Variants in DLG5 observed in about 807,000 individuals in gnomAD.
DLG5 encodes the protein discs large MAGUK scaffold protein 5, also known as disks large homolog 5.
In DLG5, 48 loss-of-function variants were observed where a neutral mutation model predicts 189.8. The ratio of observed to expected loss-of-function variants is 0.25; its 90% CI spans 0.20 to 0.32. The LOEUF (loss-of-function observed/expected upper bound fraction) is 0.32, where lower values mean the gene tolerates loss of function less well. Among genes scored for constraint, DLG5 ranks in the 10% least tolerant of loss-of-function variants. The probability of loss-of-function intolerance (pLI) is 1.00; values close to 1 mark genes in which losing one functional copy is unlikely to be tolerated. For synonymous variants in DLG5, 1,016 were observed against 1,054.1 expected, an observed-to-expected ratio of 0.96 and a Z score of 0.70; for missense variants, 2,160 against 2,544.7, an observed-to-expected ratio of 0.85 and a Z score of 3.25.
chr10:77,912,020 G>A (rs1291480874), intron 1 of DLG5, among the ~76,000 whole-genome samples: 1 of 151,138 alleles, frequency 6.6e-6, no homozygotes, highest in Non-Finnish European at 1.5e-5. Context: ...GCAACACAGC[G>A]AGACCCCATC....
intron 27 of DLG5, 127 bp downstream of exon 27, chr10:77,805,538 A>G (rs1210673316): frequency 9.0e-6 from 10 of 1,105,758 alleles, no homozygotes; most frequent in Admixed American, 2.7e-5. Context: ...AGCCGAACAC[A>G]CACCTTCAGA....
upstream of DLG5, chr10:77,929,847 C>A (rs1158917024): frequency 6.6e-6 from 1 of 152,200 alleles, no homozygotes; most frequent in Non-Finnish European, 1.5e-5. Flanking sequence ...TTGTTTTAAG[C>A]CACCCAGTTT....
intron 8 of DLG5, among the ~76,000 whole-genome samples, chr10:77,835,451 C>G (rs1484369732): frequency 1.3e-5 from 2 of 152,174 alleles, no homozygotes; most frequent in Non-Finnish European, 2.9e-5. Flanking sequence ...ATCAGAAACC[C>G]TCAAATAAAA....
chr10:77,811,814 G>C, intron 22 of DLG5, 110 bp downstream of exon 22: 1 of 1,408,572 alleles, frequency 7.1e-7, no homozygotes, highest in Non-Finnish European at 9.4e-7. Flanking sequence ...GCAGCAGTAG[G>C]ATCCCCAGAA....
At chr10:77,868,446 C>T (rs1844774488) in intron 2 of DLG5, 3 of 282,666 alleles carry the variant, frequency 1.1e-5, no homozygotes, top group South Asian at 7.0e-5. Flanking sequence ...CATGTGACTC[C>T]CCCTCCCAGA....
chr10:77,817,101 TG>T lies in DLG5; in HGVS notation c.3785-6del. 6.2e-7 allele frequency: 1 copy of T among 1,614,172 alleles called. No individual in the cohort carries two copies. The highest frequency in any genetic ancestry group is 8.5e-7 in the Non-Finnish European group (1 of 1,180,000). On this transcript the variant is annotated splice_polypyrimidine_tract_variant and splice_region_variant and intron_variant, in intron 18 of 31. Coordinates refer to ENST00000372391, the MANE Select transcript of DLG5 (RefSeq NM_004747.4). ...ACTGCAAGTTACTCGAAGAACCTAT[TG>T]TTCCATAAGGGAACAAAACTTCAGG...
At chr10:77,819,787 C>A (rs1398021344) in intron 16 of DLG5, 108 bp downstream of exon 16, 1 of 1,479,834 alleles carries the variant, frequency 6.8e-7, no homozygotes, top group African/African-American at 1.4e-5. Context: ...GACCTCAGGG[C>A]TGAAAACACA....
At chr10:77,934,736 G>T in the DLG5 span, among the ~76,000 whole-genome samples, 14 of 152,188 alleles carry the variant, frequency 9.2e-5, no homozygotes, top group Non-Finnish European at 1.9e-4. Context: ...AGATCCCAGC[G>T]GCTACCACCT....
intron 2 of DLG5, among the ~76,000 whole-genome samples, chr10:77,863,755 T>C (rs991464672): frequency 6.6e-6 from 1 of 152,036 alleles, no homozygotes; most frequent in Non-Finnish European, 1.5e-5. Context: ...CAGGATCAGA[T>C]TTCAGAGGTA....
At chr10:77,825,111 TG>T (rs963382397) in intron 13 of DLG5, among the ~76,000 whole-genome samples, 24 of 152,238 alleles carry the variant, frequency 1.6e-4, no homozygotes, top group African/African-American at 5.8e-4. Flanking sequence ...GCCTCTTGGG[TG>T]GATCTTGCAG....
chr10:77,937,455 G>T, the DLG5 span, among the ~76,000 whole-genome samples: 2 of 152,128 alleles, frequency 1.3e-5, no homozygotes, highest in African/African-American at 4.8e-5. Flanking sequence ...CAGGGACCCT[G>T]TGCTGTTATT....
chr10:77,805,612 C>A, intron 27 of DLG5, 53 bp downstream of exon 27: 1 of 1,539,568 alleles, frequency 6.5e-7, no homozygotes, highest in South Asian at 1.2e-5. Context: ...GCTCCTGGAT[C>A]CACAGCAAGC....
At position 77,870,169 on chromosome 10, in the gene DLG5, G is replaced by A. The variant is rs1844841776; in HGVS notation, c.305-972C>T. Reference sequence around the variant, plus strand: ...GAGTGGACAAAGCATAACACACAGAGATGGCAGGTCAGATAAAACAAGGAC... The same window carrying A: ...GAGTGGACAAAGCATAACACACAGAAATGGCAGGTCAGATAAAACAAGGAC... On this transcript the variant is annotated intron_variant, in intron 1 of 31. Transcript: ENST00000372391. Among the ~76,000 whole-genome samples the A allele has an allele frequency of 2.0e-5, 3 of 152,330 alleles. No individual in the cohort carries two copies. The South Asian group carries it at 6.2e-4, about 32-fold the overall frequency.
intron 5 of DLG5, among the ~76,000 whole-genome samples, chr10:77,850,713 A>G (rs967545953): frequency 6.6e-6 from 1 of 152,222 alleles, no homozygotes; most frequent in East Asian, 1.9e-4. Flanking sequence ...ACAGGATTAG[A>G]ATAATATCAT....
chr10:77,897,715 G>A (rs892049149), intron 1 of DLG5, among the ~76,000 whole-genome samples: 1 of 146,848 alleles, frequency 6.8e-6, no homozygotes, highest in African/African-American at 2.5e-5. Context: ...GAGAGAAGGG[G>A]AAAGGGGGAG....
intron 13 of DLG5, among the ~76,000 whole-genome samples, chr10:77,826,007 A>C (rs1336299210): frequency 6.6e-6 from 1 of 152,206 alleles, no homozygotes; most frequent in Non-Finnish European, 1.5e-5. Flanking sequence ...AAATCTGAAA[A>C]ACATTGGCAA....
chr10:77,907,593 A>G (rs1846103665), intron 1 of DLG5, among the ~76,000 whole-genome samples: 1 of 152,156 alleles, frequency 6.6e-6, no homozygotes, highest in South Asian at 2.1e-4. Context: ...ACACACATAA[A>G]TATAGCAGCT....
intron 1 of DLG5, among the ~76,000 whole-genome samples, chr10:77,886,052 T>C (rs1257598746): frequency 6.6e-6 from 1 of 152,220 alleles, no homozygotes; most frequent in Non-Finnish European, 1.5e-5. Context: ...TCAACAGAGC[T>C]TCTGGCCAAT....
At chr10:77,880,962 C>CTTT (rs61636782) in intron 1 of DLG5, among the ~76,000 whole-genome samples, 2,250 of 73,286 alleles carry the variant, frequency 0.031, 334 homozygotes, top group Non-Finnish European at 0.042. Context: ...AACCCTAGAC[C>CTTT]TTTTTTTTTT....
Sources: gnomAD v4.1 joint callset for allele counts (sites outside exome capture counted in the v4.1 genomes callset) on GRCh38, gnomAD v4.1.1 for gene constraint, MANE v1.5 for transcripts, NCBI Gene and HGNC (gene_info 2026-07-23, HGNC 2026-07-21) for gene names.